Variants in GJB7 observed in about 807,000 individuals in gnomAD.
GJB7 encodes the protein gap junction protein beta 7.
For missense variants in GJB7, 253 were observed against 256.8 expected, an observed-to-expected ratio of 0.99 and a Z score of 0.10; for synonymous variants, 87 against 95.2, an observed-to-expected ratio of 0.91 and a Z score of 0.50.
At position 87,329,163 on chromosome 6, in the gene GJB7, A is replaced by C. The variant is rs1255140648; in HGVS notation, c.-231T>G. ...CTGCGCCCAGTGTCTGGCACTCCCTAGTGAGATGAACCCGGTACCTCGACT... is the reference window on the plus strand; with the variant it reads ...CTGCGCCCAGTGTCTGGCACTCCCTCGTGAGATGAACCCGGTACCTCGACT... On this transcript the variant is annotated 5_prime_UTR_variant, in exon 1 of 3. Transcript: ENST00000525899. 1 of 156,172 alleles carries C rather than the reference A, an allele frequency of 6.4e-6. No homozygotes were observed. The highest frequency in any genetic ancestry group is 1.4e-5 in the Non-Finnish European group (1 of 71,414). The allele number at this position is 156,172 out of a possible 1,614,324, so 9.7% of individuals were successfully genotyped here.
At chr6:87,301,066 A>G (rs1229296636) in intron 2 of GJB7, among the ~76,000 whole-genome samples, 2 of 152,258 alleles carry the variant, frequency 1.3e-5, no homozygotes, top group Non-Finnish European at 2.9e-5. Context: ...AATATGGCTG[A>G]ATAGGAACAG....
At chr6:87,293,680 G>A (rs1776211679) in intron 2 of GJB7, among the ~76,000 whole-genome samples, 1 of 152,266 alleles carries the variant, frequency 6.6e-6, no homozygotes, top group Non-Finnish European at 1.5e-5. Context: ...GCAGCAGCGG[G>A]GCTGAGGACG....
intron 2 of GJB7, among the ~76,000 whole-genome samples, chr6:87,312,519 A>AAAC (rs1776525351): frequency 6.6e-6 from 1 of 151,630 alleles, no homozygotes; most frequent in African/African-American, 2.4e-5. Flanking sequence ...TACAAAAAAA[A>AAAC]AAACAAAAAA....
chr6:87,323,548 G>A (rs1051424280), intron 1 of GJB7, among the ~76,000 whole-genome samples: 2 of 151,358 alleles, frequency 1.3e-5, no homozygotes, highest in Admixed American at 6.6e-5. Context: ...TCTTGCGATA[G>A]TTTACTGAGA....
chr6:87,309,702 TAAAAAC>T (rs999431804), intron 2 of GJB7, among the ~76,000 whole-genome samples: 1 of 152,202 alleles, frequency 6.6e-6, no homozygotes, highest in Non-Finnish European at 1.5e-5. Context: ...AATAGGGACT[TAAAAAC>T]AGAAACCATG....
rs567823238 is a variant in GJB7, at chr6:87,284,282, G to C, written c.631C>G (p.Leu211Val). ...TGAGGTTTTTTTAAATATTTTTGGA[G>C]ACAGCACTTAATAAAGCACTTGAGA... is the stretch of plus-strand genomic sequence containing the variant. ...LVLKCFIKCC[L>V]QKYLKKPQVL... Residue 211 changes from leucine (L) to valine (V), a missense_variant, in exon 3 of 3, where the codon CTC becomes GTC. Physicochemically the swap from Leu to Val is conservative, Grantham distance 32. Coordinates refer to ENST00000525899, the MANE Select transcript of GJB7 (RefSeq NM_198568.3). 6.2e-6 allele frequency: 10 copies of C among 1,613,854 alleles called. No individual in the cohort carries two copies. In the South Asian group the frequency reaches 7.7e-5, roughly 12 times the overall value.
At chr6:87,324,967 C>T (rs1454321100) in intron 1 of GJB7, among the ~76,000 whole-genome samples, 1 of 151,960 alleles carries the variant, frequency 6.6e-6, no homozygotes, top group Non-Finnish European at 1.5e-5. Context: ...TTGTAGTTCT[C>T]CTTGAAGAGG....
At chr6:87,298,029 A>G (rs920334768) in intron 2 of GJB7, among the ~76,000 whole-genome samples, 1 of 152,216 alleles carries the variant, frequency 6.6e-6, no homozygotes, top group Non-Finnish European at 1.5e-5. Context: ...AGTAAGTAAA[A>G]GTGTTCTGGT....
chr6:87,303,410 A>G (rs1042584426), intron 2 of GJB7, among the ~76,000 whole-genome samples: 1 of 152,216 alleles, frequency 6.6e-6, no homozygotes, highest in Non-Finnish European at 1.5e-5. Flanking sequence ...TAAACCAACA[A>G]AGATCAAAAG....
chr6:87,308,352 G>A (rs985436842), intron 2 of GJB7, among the ~76,000 whole-genome samples: 139 of 152,114 alleles, frequency 9.1e-4, no homozygotes, highest in Non-Finnish European at 5.6e-4. Flanking sequence ...TTCTGCACGT[G>A]TACCCTAGAA....
intron 2 of GJB7, among the ~76,000 whole-genome samples, chr6:87,291,225 T>C (rs1776167671): frequency 6.6e-6 from 1 of 152,252 alleles, no homozygotes; most frequent in Non-Finnish European, 1.5e-5. Context: ...CGTTTTGTAA[T>C]GTTCAATTTT....
intron 2 of GJB7, among the ~76,000 whole-genome samples, chr6:87,319,634 C>G (rs1161324966): frequency 6.6e-6 from 1 of 152,098 alleles, no homozygotes; most frequent in Non-Finnish European, 1.5e-5. Flanking sequence ...CTTGTAATAC[C>G]AGTTGTCAAT....
At chr6:87,290,100 T>C (rs1203964676) in intron 2 of GJB7, among the ~76,000 whole-genome samples, 2 of 152,212 alleles carry the variant, frequency 1.3e-5, no homozygotes, top group Non-Finnish European at 2.9e-5. Context: ...TCTCATCCAA[T>C]GCTTACCTCC....
At chr6:87,300,799 G>A (rs1353936865) in intron 2 of GJB7, among the ~76,000 whole-genome samples, 1 of 152,174 alleles carries the variant, frequency 6.6e-6, no homozygotes, top group Admixed American at 6.5e-5. Context: ...ATCACCAGAT[G>A]AAAAGTTAAG....
intron 2 of GJB7, among the ~76,000 whole-genome samples, chr6:87,292,692 A>G (rs1177070241): frequency 6.6e-6 from 1 of 152,254 alleles, no homozygotes; most frequent in African/African-American, 2.4e-5. Context: ...TTCCTGCTAG[A>G]ATGAGAATAG....
At chr6:87,298,815 A>T (rs1582558391) in intron 2 of GJB7, 1 of 310,372 alleles carries the variant, frequency 3.2e-6, no homozygotes, top group Non-Finnish European at 6.6e-6. Context: ...ACCGGTGTCC[A>T]GGGTACTAGC....
intron 2 of GJB7, among the ~76,000 whole-genome samples, chr6:87,313,690 A>G (rs1486366307): frequency 6.6e-6 from 1 of 152,236 alleles, no homozygotes; most frequent in Non-Finnish European, 1.5e-5. Context: ...CCAAAGTAGA[A>G]ACTATGTAAT....
chr6:87,306,113 A>G lies in GJB7; in HGVS notation c.-28+16753T>C, dbSNP rs975101189. ...AGGCATTACCATTCAGGACATAGGC[A>G]TGGGCAAGGACTTCATGTCTAAAAC... On this transcript the variant is annotated intron_variant, in intron 2 of 2. Transcript: ENST00000525899. Among the ~76,000 whole-genome samples the G allele has an allele frequency of 2.4e-4, 37 of 151,984 alleles. 1 individual carries two copies. The highest frequency in any genetic ancestry group is 2.1e-3 in the Admixed American group (32 of 15,242).
chr6:87,287,103 C>T (rs1776073779), intron 2 of GJB7, among the ~76,000 whole-genome samples: 1 of 152,140 alleles, frequency 6.6e-6, no homozygotes, highest in Admixed American at 6.6e-5. Flanking sequence ...TTCAAATGTC[C>T]CCTGGAGAGA....
Sources: gnomAD v4.1 joint callset for allele counts (sites outside exome capture counted in the v4.1 genomes callset) on GRCh38, gnomAD v4.1.1 for gene constraint, MANE v1.5 for transcripts, NCBI Gene and HGNC (gene_info 2026-07-23, HGNC 2026-07-21) for gene names.